Variants in STK32C observed in about 807,000 individuals in gnomAD.
The protein encoded by STK32C is serine/threonine kinase 32C.
Under a neutral mutation model 56.5 loss-of-function variants are expected in STK32C, and 31 were observed. The observed-to-expected ratio is 0.55, with a 90% CI of 0.41 to 0.74. The LOEUF (loss-of-function observed/expected upper bound fraction) is 0.74, where lower values mean the gene tolerates loss of function less well. STK32C is among the 30% of genes least tolerant of loss of function. STK32C has a pLI of 0.00. For missense variants in STK32C, 544 were observed against 676.9 expected (o/e 0.80, Z 2.18); for synonymous variants, 309 against 289.4 (o/e 1.07, Z -0.69).
chr10:132,228,401 T>C (rs1237814599), intron 2 of STK32C, among the ~76,000 whole-genome samples: 1 of 152,198 alleles, frequency 6.6e-6, no homozygotes, highest in Non-Finnish European at 1.5e-5. Context: ...TGTGTGGCCC[T>C]GGCGGCACCT....
At chr10:132,227,751 G>A (rs2062943676) in intron 3 of STK32C, among the ~76,000 whole-genome samples, 1 of 152,196 alleles carries the variant, frequency 6.6e-6, no homozygotes, top group Non-Finnish European at 1.5e-5. Flanking sequence ...AGGCTCAGAA[G>A]AGACACTGCA....
chr10:132,208,014 C>T lies in STK32C; in HGVS notation c.1457G>A (p.Gly486Asp), dbSNP rs2062151843. 1 of 1,307,628 alleles carries T rather than the reference C, an allele frequency of 7.6e-7. No individual in the cohort carries two copies. Among genetic ancestry groups the T allele is most frequent in the Non-Finnish European group, 9.8e-7 (1 of 1,021,226 alleles). The allele number at this position is 1,307,628 out of a possible 1,614,324, so 81.0% of individuals were successfully genotyped here. The stretch of plus-strand genomic sequence containing the variant: ...GAGGACCACGGGCGTCCCGGCCTAG[C>T]CGCTCCCGGCCGAGGGGCAAATGGG... ...CGPICPSAGS[G>D] The change falls in exon 12 of 12, where the codon GGC (glycine) becomes GAC (aspartate). Residue 486 changes from glycine to aspartate, a missense_variant. By Grantham distance (94) the Gly-to-Asp change is moderately conservative. Coordinates refer to ENST00000298630, the MANE Select transcript of STK32C (RefSeq NM_173575.4).
At chr10:132,286,120 TG>T (rs2065398003) in intron 1 of STK32C, among the ~76,000 whole-genome samples, 1 of 150,318 alleles carries the variant, frequency 6.7e-6, no homozygotes. Context: ...AGCGAGACTC[TG>T]TCTCAAAAAA....
At chr10:132,318,354 G>A (rs2066346541) in intron 1 of STK32C, among the ~76,000 whole-genome samples, 4 of 151,916 alleles carry the variant, frequency 2.6e-5, no homozygotes, top group South Asian at 2.1e-4. Context: ...GGTGGCTCAC[G>A]CTTGTAATCC....
At chr10:132,216,167 T>C (rs985719327) in intron 10 of STK32C, among the ~76,000 whole-genome samples, 3 of 152,050 alleles carry the variant, frequency 2.0e-5, no homozygotes, top group Non-Finnish European at 4.4e-5. Context: ...GACAATGCAA[T>C]AGAAAAGAAA....
chr10:132,305,510 C>G (rs1841707715), intron 1 of STK32C, among the ~76,000 whole-genome samples: 1 of 152,182 alleles, frequency 6.6e-6, no homozygotes, highest in African/African-American at 2.4e-5. Context: ...ACTCGAGACA[C>G]CAACACAGCA....
At chr10:132,230,676 T>TGGTGGGGGGGGGGG (rs1301559652) in intron 2 of STK32C, among the ~76,000 whole-genome samples, 2 of 6,772 alleles carry the variant, frequency 3.0e-4, no homozygotes, top group Admixed American at 1.2e-3. Context: ...GGGGGGAAGC[T>TGGTGGGGGGGGGGG]GGCGGGGGGG....
chr10:132,225,150 G>C, intron 7 of STK32C, 83 bp downstream of exon 7: 1 of 1,168,176 alleles, frequency 8.6e-7, no homozygotes, highest in South Asian at 1.5e-5. Context: ...TGGACACTGG[G>C]GCAGCCACCC....
downstream of STK32C, among the ~76,000 whole-genome samples, chr10:132,322,218 G>C (rs1243659089): frequency 6.6e-6 from 1 of 152,120 alleles, no homozygotes; most frequent in East Asian, 1.9e-4. Flanking sequence ...TCTACTGTGA[G>C]CTATTGGTTT....
intron 7 of STK32C, among the ~76,000 whole-genome samples, chr10:132,224,888 C>T (rs1264419865): frequency 1.3e-5 from 2 of 152,166 alleles, no homozygotes; most frequent in Non-Finnish European, 2.9e-5. Context: ...GGACTGGCCT[C>T]GCCGTGGCCA....
intron 2 of STK32C, among the ~76,000 whole-genome samples, chr10:132,237,040 G>C (rs1018297680): frequency 5.9e-5 from 9 of 152,230 alleles, no homozygotes; most frequent in African/African-American, 2.2e-4. Context: ...GACGAGGCCG[G>C]CCCTCAGGGA....
At position 132,256,080 on chromosome 10, in the gene STK32C, T is replaced by C. The variant is rs535001243; in HGVS notation, c.263-10125A>G. 4.5e-4 allele frequency among the ~76,000 whole-genome samples: 68 copies of C among 152,342 alleles called. 1 individual carries two copies. Among genetic ancestry groups the C allele is most frequent in the South Asian group, 1.0e-3 (5 of 4,828 alleles). On this transcript the variant is annotated intron_variant, in intron 1 of 11. Coordinates refer to ENST00000298630, the MANE Select transcript of STK32C (RefSeq NM_173575.4). Reference sequence around the variant, plus strand: ...AGCCTCGGGGAGCCAACTGGGGTCTTACTCTGGGAACATACCCTGTGCCCC... The same window carrying C: ...AGCCTCGGGGAGCCAACTGGGGTCTCACTCTGGGAACATACCCTGTGCCCC...
Position 132,288,540 on chromosome 10 carries a change from A to G in STK32C, c.262+19032T>C, listed in dbSNP as rs182497277. 1.2e-4 allele frequency among the ~76,000 whole-genome samples: 19 copies of G among 152,370 alleles called. No individual in the cohort carries two copies. The East Asian group carries it at 3.5e-3, about 28-fold the overall frequency. ...CAGACATATTCTACATCTTTATTGC[A>G]GTAGTGGTTAGGTGACTGTATGCCT... On this transcript the variant is annotated intron_variant, in intron 1 of 11. Coordinates refer to ENST00000298630, the MANE Select transcript of STK32C (RefSeq NM_173575.4).
rs2066118028 is a variant in STK32C, at chr10:132,307,591, C to A, written c.243G>T (p.Val81=). The A allele has an allele frequency of 2.6e-6, 4 of 1,557,516 alleles. No individual in the cohort carries two copies. Among genetic ancestry groups the A allele is most frequent in the Non-Finnish European group, 3.5e-6 (4 of 1,154,710 alleles). ...ACTCACCGTCCTCCTTGTCGTCAAA[C>A]ACCGGCCTCCGCGCGGTGGCCGCCG... is the stretch of plus-strand genomic sequence containing the variant. ...SMSAATARRP[V]FDDKEDVNFD... Residue 81 remains valine (V), a synonymous_variant, in exon 1 of 12, where the codon GTG becomes GTT. Coordinates refer to ENST00000298630, the MANE Select transcript of STK32C (RefSeq NM_173575.4). The surrounding 1 kb of genome is among the most constrained non-coding windows in gnomAD (Gnocchi z 4.4).
At chr10:132,224,954 G>C (rs2062830654) in intron 7 of STK32C, among the ~76,000 whole-genome samples, 1 of 152,192 alleles carries the variant, frequency 6.6e-6, no homozygotes, top group South Asian at 2.1e-4. Context: ...TTCCGAGGCA[G>C]CACCCCTGCT....
intron 1 of STK32C, among the ~76,000 whole-genome samples, chr10:132,318,968 G>A (rs1383883169): frequency 6.6e-6 from 1 of 152,092 alleles, no homozygotes; most frequent in Admixed American, 6.5e-5. Flanking sequence ...TTTGTTTTGA[G>A]ATGGAGTTTC....
chr10:132,278,410 A>T (rs1590366557), intron 1 of STK32C, among the ~76,000 whole-genome samples: 2 of 152,232 alleles, frequency 1.3e-5, no homozygotes, highest in Non-Finnish European at 2.9e-5. Context: ...GAAGATACAC[A>T]GAACGCTACA....
intron 2 of STK32C, among the ~76,000 whole-genome samples, chr10:132,231,389 C>T (rs935577593): frequency 6.6e-6 from 1 of 152,246 alleles, no homozygotes; most frequent in African/African-American, 2.4e-5. Context: ...GGGTTACACT[C>T]AGGTCTCCCG....
At chr10:132,239,673 C>A (rs1473518651) in intron 2 of STK32C, among the ~76,000 whole-genome samples, 1 of 152,366 alleles carries the variant, frequency 6.6e-6, no homozygotes, top group East Asian at 1.9e-4. Context: ...GCAGCAGCCC[C>A]TGCCCCGGGA....
Sources: allele counts gnomAD v4.1 joint callset (sites outside exome capture counted in the v4.1 genomes callset), GRCh38; gene constraint gnomAD v4.1.1; non-coding constraint Gnocchi (gnomAD v3.1); transcripts MANE v1.5; gene names NCBI Gene and HGNC (gene_info 2026-07-23, HGNC 2026-07-21).